PAX5: variants seen among roughly 807,000 people sequenced by gnomAD.
PAX5 encodes paired box protein Pax-5.
In PAX5, 9 loss-of-function variants were observed where a neutral mutation model predicts 43.7. That is an observed-to-expected ratio of 0.21 (90% confidence interval 0.12 to 0.36). The LOEUF is 0.36. Among genes scored for constraint, PAX5 ranks in the 10% least tolerant of loss-of-function variants. The pLI is 1.00. For missense variants in PAX5, 383 were observed against 532.7 expected (o/e 0.72, Z 2.77); for synonymous variants, 228 against 214.3 (o/e 1.06, Z -0.56).
intron 7 of PAX5, among the ~76,000 whole-genome samples, chr9:36,889,120 C>A (rs979617024): frequency 6.6e-6 from 1 of 152,182 alleles, no homozygotes; most frequent in Non-Finnish European, 1.5e-5. Flanking sequence ...GGTCTATGAT[C>A]CTTTACCCTG....
intron 7 of PAX5, among the ~76,000 whole-genome samples, chr9:36,914,448 C>A (rs1331800940): frequency 6.6e-6 from 1 of 152,178 alleles, no homozygotes; most frequent in African/African-American, 2.4e-5. Context: ...GGGGCTGTTG[C>A]ATTCACTGTG....
In PAX5 at chr9:37,015,229, G is replaced by A. The variant is rs1439443531; in HGVS notation, c.213-35C>T. On this transcript the variant is annotated intron_variant, in intron 2 of 9. Coordinates refer to ENST00000358127, the MANE Select transcript of PAX5 (RefSeq NM_016734.3). This position sits in a 1 kb window ranked among gnomAD's most constrained non-coding sequence, Gnocchi z 4.4. ...AAAGAGAAAGAAGCTTAGCCATGAG[G>A]AACCAGTAAAGTGGATATTGGCAAC... The A allele has an allele frequency of 1.3e-6, 2 of 1,586,828 alleles. No individual in the cohort carries two copies. The highest frequency in any genetic ancestry group is 3.3e-5 in the Admixed American group (2 of 59,786).
intron 8 of PAX5, among the ~76,000 whole-genome samples, chr9:36,875,610 A>G (rs1422717243): frequency 3.9e-5 from 6 of 152,164 alleles, no homozygotes; most frequent in Non-Finnish European, 8.8e-5. Context: ...TACATGGCAG[A>G]GGGGAATTAG....
At chr9:36,923,171 C>T in intron 7 of PAX5, 184 bp downstream of exon 7, 1 of 622,412 alleles carries the variant, frequency 1.6e-6, no homozygotes, top group Non-Finnish European at 2.7e-6. Context: ...GAATCATATC[C>T]AGCCATGTCT....
chr9:37,021,974 C>T (rs1456345522), intron 1 of PAX5, among the ~76,000 whole-genome samples: 1 of 152,190 alleles, frequency 6.6e-6, no homozygotes, highest in African/African-American at 2.4e-5. Flanking sequence ...ATACTCAACT[C>T]TAAAATATGA....
chr9:36,985,052 A>T (rs1050912058), intron 5 of PAX5, among the ~76,000 whole-genome samples: 2 of 152,232 alleles, frequency 1.3e-5, no homozygotes, highest in African/African-American at 4.8e-5. Flanking sequence ...GAAAATGGAC[A>T]AAGCTCACAC....
intron 8 of PAX5, among the ~76,000 whole-genome samples, chr9:36,855,862 C>G (rs1054799861): frequency 1.1e-4 from 17 of 152,222 alleles, no homozygotes; most frequent in African/African-American, 3.9e-4. Flanking sequence ...TTCCTCATGT[C>G]CAATTCTCCT....
intron 5 of PAX5, among the ~76,000 whole-genome samples, chr9:36,983,365 G>A (rs942013591): frequency 2.0e-5 from 3 of 152,140 alleles, no homozygotes; most frequent in Non-Finnish European, 2.9e-5. Flanking sequence ...GAGATTCTAC[G>A]CCTAAGTGCA....
Position 36,840,437 on chromosome 9 carries a change from T to C in PAX5, c.*123A>G. On this transcript the variant is annotated 3_prime_UTR_variant, in exon 10 of 10. Coordinates refer to ENST00000358127, the MANE Select transcript of PAX5 (RefSeq NM_016734.3). ...TGGAGGAAGAGAGGAAGAGGGGAGCTTCAGGCAAGTGGGGGATGCTGGGGG... is the reference window on the plus strand; with the variant it reads ...TGGAGGAAGAGAGGAAGAGGGGAGCCTCAGGCAAGTGGGGGATGCTGGGGG... 1.1e-6 allele frequency: 1 copy of C among 948,902 alleles called. No individual in the cohort carries two copies. The allele number at this position is 948,902 out of a possible 1,614,324, so 58.8% of individuals were successfully genotyped here. A position where few individuals can be genotyped will look rare whatever the true frequency, so the allele number is the denominator to read the frequency against.
At chr9:36,863,998 A>T (rs891620901) in intron 8 of PAX5, among the ~76,000 whole-genome samples, 2 of 152,120 alleles carry the variant, frequency 1.3e-5, no homozygotes, top group Admixed American at 6.5e-5. Context: ...AGTCCCAGCT[A>T]CTCGGGAGGC....
intron 5 of PAX5, among the ~76,000 whole-genome samples, chr9:37,000,813 C>T (rs1837785253): frequency 6.6e-6 from 1 of 152,224 alleles, no homozygotes; most frequent in South Asian, 2.1e-4. Context: ...ACCTCTGCAT[C>T]AGCCACACAC....
chr9:36,898,646 A>G (rs967057983), intron 7 of PAX5, among the ~76,000 whole-genome samples: 3 of 152,180 alleles, frequency 2.0e-5, no homozygotes, highest in Non-Finnish European at 4.4e-5. Context: ...TTGTCCTCGG[A>G]TGCACATTAT....
At chr9:37,012,594 C>G (rs1446364050) in intron 3 of PAX5, among the ~76,000 whole-genome samples, 1 of 152,236 alleles carries the variant, frequency 6.6e-6, no homozygotes, top group East Asian at 1.9e-4. Flanking sequence ...GGCCCGTGAT[C>G]TCTCTTGACC....
At chr9:36,973,394 C>A (rs1484883937) in intron 5 of PAX5, among the ~76,000 whole-genome samples, 1 of 152,114 alleles carries the variant, frequency 6.6e-6, no homozygotes, top group Non-Finnish European at 1.5e-5. Flanking sequence ...CACAGGAGTA[C>A]AGAGCTGGGG....
rs1822629422 is a variant in PAX5, at chr9:36,846,834, A to G, written c.1099+9T>C. The G allele has an allele frequency of 6.2e-7, 1 of 1,610,380 alleles. No homozygotes were observed. The highest frequency in any genetic ancestry group is 1.1e-5 in the South Asian group (1 of 91,022). Reference sequence around the variant, plus strand: ...CCAAGGGCCCCGCAGGGCCTCCGCCAGTACTCACCAAGCAGCCCCGGGTTG... The same window carrying G: ...CCAAGGGCCCCGCAGGGCCTCCGCCGGTACTCACCAAGCAGCCCCGGGTTG... On this transcript the variant is annotated intron_variant, in intron 9 of 9. Transcript: ENST00000358127.
chr9:36,842,599 T>G (rs1370747664), intron 9 of PAX5, among the ~76,000 whole-genome samples: 1 of 152,200 alleles, frequency 6.6e-6, no homozygotes, highest in African/African-American at 2.4e-5. Context: ...CCATTAAACC[T>G]CCATCTAGAA....
chr9:36,955,121 T>C (rs897208083), intron 6 of PAX5, among the ~76,000 whole-genome samples: 4 of 152,194 alleles, frequency 2.6e-5, no homozygotes, highest in Non-Finnish European at 5.9e-5. Context: ...TCTTTTATAA[T>C]GGTTTCTAGT....
At chr9:36,847,014 G>T in intron 8 of PAX5, 85 bp from the exon 9 acceptor site, 1 of 922,740 alleles carries the variant, frequency 1.1e-6, no homozygotes. Context: ...CAGCCTGGTT[G>T]CCAATGGCAT....
intron 5 of PAX5, among the ~76,000 whole-genome samples, chr9:36,992,945 T>C (rs1837064185): frequency 1.3e-5 from 2 of 152,208 alleles, no homozygotes; most frequent in Admixed American, 1.3e-4. Flanking sequence ...TTACTTTAAG[T>C]TCTGGGATAC....
Sources: gnomAD v4.1 joint callset for allele counts (sites outside exome capture counted in the v4.1 genomes callset) on GRCh38, gnomAD v4.1.1 for gene constraint, Gnocchi (gnomAD v3.1) non-coding constraint, MANE v1.5 for transcripts, NCBI Gene and HGNC (gene_info 2026-07-23, HGNC 2026-07-21) for gene names.